FBXL17: variants seen among roughly 807,000 people sequenced by gnomAD.
FBXL17 encodes F-box/LRR-repeat protein 17.
In FBXL17, 22 loss-of-function variants were observed where a neutral mutation model predicts 66.2. The observed-to-expected ratio is 0.33, with a 90% CI of 0.24 to 0.47. The LOEUF (loss-of-function observed/expected upper bound fraction) is 0.47. Ranked by LOEUF, FBXL17 falls within the 20% of genes least tolerant of loss-of-function variation. The pLI is 1.00. For synonymous variants in FBXL17, 474 were observed against 400.5 expected (o/e 1.18, Z -2.19); for missense variants, 878 against 948.2 (o/e 0.93, Z 0.97).
intron 4 of FBXL17, among the ~76,000 whole-genome samples, chr5:108,262,240 C>A (rs1756866909): frequency 1.3e-5 from 2 of 151,836 alleles, no homozygotes; most frequent in Non-Finnish European, 2.9e-5. Context: ...CCACGCCCAG[C>A]TAATTTTTTT....
intron 7 of FBXL17, among the ~76,000 whole-genome samples, chr5:107,908,982 G>A (rs1263367803): frequency 1.3e-5 from 2 of 152,128 alleles, no homozygotes; most frequent in African/African-American, 4.8e-5. Context: ...CACAGCAAGT[G>A]GCCGTCGTGA....
intron 6 of FBXL17, among the ~76,000 whole-genome samples, chr5:108,099,532 A>C (rs1289219526): frequency 2.0e-5 from 3 of 152,224 alleles, no homozygotes; most frequent in Non-Finnish European, 4.4e-5. Flanking sequence ...AAATGTGACA[A>C]GGCAAAGAGG....
rs971916822 is a variant in FBXL17 at position 108,104,902 on chromosome 5, T to C, written c.1745+81215A>G. On this transcript the variant is annotated intron_variant, in intron 6 of 8. Coordinates refer to ENST00000542267, the MANE Select transcript of FBXL17 (RefSeq NM_001163315.3). ...GTTGCCCAGGCTTGGAGTGCAGTGG[T>C]GCCATCTCGGCTCACTGCAACCCCC... 4.6e-5 allele frequency among the ~76,000 whole-genome samples: 7 copies of C among 152,108 alleles called. No individual in the cohort carries two copies. In the South Asian group the frequency reaches 6.2e-4, roughly 14 times the overall value.
chr5:108,099,991 A>ATG (rs1749539369), intron 6 of FBXL17, among the ~76,000 whole-genome samples: 1 of 152,206 alleles, frequency 6.6e-6, no homozygotes, highest in Non-Finnish European at 1.5e-5. Flanking sequence ...CAATATAGTA[A>ATG]TGTTTTTAGC....
Position 108,381,479 on chromosome 5 carries a change from G to C in FBXL17, c.213C>G (p.Pro71=). The C allele has an allele frequency of 7.6e-7, 1 of 1,320,502 alleles. No homozygotes were observed. The allele number at this position is 1,320,502 out of a possible 1,614,324, so 81.8% of individuals were successfully genotyped here. A position where few individuals can be genotyped will look rare whatever the true frequency, so the allele number is the denominator to read the frequency against. The change falls in exon 1 of 9, where the codon CCC becomes CCG. Residue 71 remains proline, a synonymous_variant. Transcript: ENST00000542267. ...LCFIVHSPGA[P]APAGPEEEPP... Reference sequence around the variant, plus strand: ...GCTCCTCCTCTGGGCCGGCGGGGGCGGGCGCGCCGGGACTGTGCACGATGA... The same window carrying C: ...GCTCCTCCTCTGGGCCGGCGGGGGCCGGCGCGCCGGGACTGTGCACGATGA...
chr5:108,027,359 G>T (rs1440889215), intron 6 of FBXL17, among the ~76,000 whole-genome samples: 1 of 152,130 alleles, frequency 6.6e-6, no homozygotes, highest in African/African-American at 2.4e-5. Context: ...TAATATTTCA[G>T]ATCTACTTAA....
At chr5:107,977,164 G>T (rs1053341438) in intron 7 of FBXL17, among the ~76,000 whole-genome samples, 4 of 152,182 alleles carry the variant, frequency 2.6e-5, no homozygotes, top group African/African-American at 9.6e-5. Flanking sequence ...TCCTGAGAGG[G>T]TTAACAAAGA....
rs142419731 is a variant in FBXL17 at position 108,096,326 on chromosome 5, T to C, written c.1746-75325A>G. 3.1e-3 allele frequency among the ~76,000 whole-genome samples: 475 copies of C among 152,316 alleles called. 3 individuals are homozygous for C. The highest frequency in any genetic ancestry group is 0.011 in the African/African-American group (459 of 41,574). On this transcript the variant is annotated intron_variant, in intron 6 of 8. Coordinates refer to ENST00000542267, the MANE Select transcript of FBXL17 (RefSeq NM_001163315.3). ...TAGAAAATATAGTGTTTTTCAGACA[T>C]GAGCATAACAGCTCTCAATTTAGGC... is the stretch of plus-strand genomic sequence containing the variant.
At chr5:107,878,557 A>G in intron 8 of FBXL17, 1 of 961,396 alleles carries the variant, frequency 1.0e-6, no homozygotes, top group Non-Finnish European at 1.2e-6. Context: ...CTGAACCTGA[A>G]CTCTGGCTCT....
intron 3 of FBXL17, among the ~76,000 whole-genome samples, chr5:108,349,845 T>C (rs1747529635): frequency 6.6e-6 from 1 of 152,212 alleles, no homozygotes; most frequent in South Asian, 2.1e-4. Context: ...GCAGATTTTT[T>C]AAAAGTGCAT....
intron 7 of FBXL17, among the ~76,000 whole-genome samples, chr5:107,951,550 GAA>G (rs1401207215): frequency 1.3e-5 from 2 of 151,166 alleles, no homozygotes; most frequent in Non-Finnish European, 3.0e-5. Flanking sequence ...AGGTGAGGGA[GAA>G]AGTCTTTTTT....
At chr5:108,007,645 C>CATATCTTAAAACAACTAATTTAA (rs1210145260) in intron 7 of FBXL17, among the ~76,000 whole-genome samples, 4 of 142,306 alleles carry the variant, frequency 2.8e-5, no homozygotes, top group African/African-American at 1.2e-4. Flanking sequence ...AGTTAAATGC[C>CATATCTTAAAACAACTAATTTAA]GAGTATACGG....
At chr5:107,975,073 G>A (rs1193967570) in intron 7 of FBXL17, among the ~76,000 whole-genome samples, 2 of 152,040 alleles carry the variant, frequency 1.3e-5, no homozygotes, top group Admixed American at 1.3e-4. Context: ...CTTTGTTCTG[G>A]GAGTAAAATA....
intron 5 of FBXL17, among the ~76,000 whole-genome samples, chr5:108,203,125 G>A (rs528780188): frequency 2.6e-5 from 4 of 152,000 alleles, no homozygotes; most frequent in South Asian, 2.1e-4. Flanking sequence ...ACATAAGTAT[G>A]TCAGGACTAA....
chr5:108,076,052 A>T (rs932148004), intron 6 of FBXL17, among the ~76,000 whole-genome samples: 42 of 152,342 alleles, frequency 2.8e-4, no homozygotes, highest in African/African-American at 1.0e-3. Context: ...AATAAAATAG[A>T]AATGTCTTTA....
chr5:108,139,955 C>A lies in FBXL17; in HGVS notation c.1745+46162G>T, dbSNP rs889562374. On this transcript the variant is annotated intron_variant, in intron 6 of 8. Coordinates refer to ENST00000542267, the MANE Select transcript of FBXL17 (RefSeq NM_001163315.3). ...CTCTCTTATCTCCTTTGGCTCAGCC[C>A]CTAAACACGTTTAAGTTTCTCCCAC... Among the ~76,000 whole-genome samples the A allele has an allele frequency of 2.6e-5, 4 of 152,180 alleles. No individual in the cohort carries two copies. The East Asian group carries it at 7.7e-4, about 29-fold the overall frequency.
intron 4 of FBXL17, among the ~76,000 whole-genome samples, chr5:108,273,014 G>A (rs1757338486): frequency 6.6e-6 from 1 of 152,260 alleles, no homozygotes; most frequent in South Asian, 2.1e-4. Flanking sequence ...GGGCATCCGG[G>A]GGAGACATCA....
Position 108,382,073 on chromosome 5 carries a change from C to T in FBXL17, c.-382G>A, listed in dbSNP as rs1478020429. ...TCGGACCATTTTAACTGCGGATCCG[C>T]CGCCGGCGCGCGCACCCGCGACTCT... On this transcript the variant is annotated 5_prime_UTR_variant, in exon 1 of 9. Transcript: ENST00000542267. 1.5e-6 allele frequency: 1 copy of T among 653,422 alleles called. No individual in the cohort carries two copies. Among genetic ancestry groups the T allele is most frequent in the African/African-American group, 1.9e-5 (1 of 51,352 alleles). The allele number at this position is 653,422 out of a possible 1,614,324, so 40.5% of individuals were successfully genotyped here.
At chr5:107,940,197 G>T (rs1025495) in intron 7 of FBXL17, among the ~76,000 whole-genome samples, 31,534 of 152,024 alleles carry the variant, frequency 0.21, 3,911 homozygotes, top group Middle Eastern at 0.28. Context: ...GTCTGACTCC[G>T]GAACCTACCT....
Sources: allele counts gnomAD v4.1 joint callset (sites outside exome capture counted in the v4.1 genomes callset), GRCh38; gene constraint gnomAD v4.1.1; transcripts MANE v1.5; gene names NCBI Gene and HGNC (gene_info 2026-07-23, HGNC 2026-07-21).